The following TOX2 variants were observed in gnomAD, a reference collection of about 807,000 sequenced individuals.
TOX2 encodes TOX high mobility group box family member 2.
Under a neutral mutation model 47.4 loss-of-function variants are expected in TOX2, and 15 were observed. The observed-to-expected ratio is 0.32, with a 90% CI of 0.21 to 0.49. The LOEUF is 0.49. Ranked by LOEUF, TOX2 falls within the 20% of genes least tolerant of loss-of-function variation. The pLI, the probability that TOX2 is intolerant of heterozygous loss-of-function variation, is 0.99. For synonymous variants in TOX2, 290 were observed against 296.6 expected (o/e 0.98, Z 0.23); for missense variants, 622 against 673.1 (o/e 0.92, Z 0.84).
intron 3 of TOX2, among the ~76,000 whole-genome samples, chr20:44,034,588 G>A (rs928178330): frequency 2.8e-4 from 42 of 152,312 alleles, no homozygotes; most frequent in African/African-American, 9.4e-4. Context: ...AGAGGCTCGA[G>A]GCAGTGACTC....
intron 3 of TOX2, among the ~76,000 whole-genome samples, chr20:44,034,133 G>A (rs148455717): frequency 1.3e-3 from 193 of 152,272 alleles, no homozygotes; most frequent in African/African-American, 4.5e-3. Context: ...AGCTTGCAGA[G>A]CTCATCGCAC....
intron 3 of TOX2, among the ~76,000 whole-genome samples, chr20:44,018,351 A>G (rs1250258769): frequency 2.6e-5 from 4 of 152,184 alleles, no homozygotes; most frequent in Non-Finnish European, 5.9e-5. Flanking sequence ...TGCCAAGCCT[A>G]ACAGGGTATG....
At chr20:43,947,361 G>A (rs1445964904) in intron 1 of TOX2, among the ~76,000 whole-genome samples, 4 of 152,248 alleles carry the variant, frequency 2.6e-5, no homozygotes, top group Non-Finnish European at 5.9e-5. Context: ...ACACATGCAC[G>A]TGTGCACACA....
intron 1 of TOX2, among the ~76,000 whole-genome samples, chr20:43,954,957 C>T (rs137968253): frequency 2.0e-3 from 302 of 152,248 alleles, no homozygotes; most frequent in African/African-American, 7.0e-3. Flanking sequence ...GTGCTTGATT[C>T]GCTTGAAACT....
rs59829203 is a variant in TOX2, at chr20:43,951,707, G to GTTTTTTTTTT, written c.100-21648_100-21639dup. Among the ~76,000 whole-genome samples the GTTTTTTTTTT allele has an allele frequency of 3.5e-3, 192 of 55,076 alleles. 42 individuals carry two copies. Among genetic ancestry groups the GTTTTTTTTTT allele is most frequent in the South Asian group, 0.016 (16 of 984 alleles). 36.1% of individuals were successfully genotyped at this position (55,076 alleles called of 152,430 possible). On this transcript the variant is annotated intron_variant, in intron 1 of 8. Transcript: ENST00000341197. Reference sequence around the variant, plus strand: ...TGACCATTACTATTAAACTTATTATGTTTTTTTTTTTTTTTTTTTTTAGAG... The same window carrying GTTTTTTTTTT: ...TGACCATTACTATTAAACTTATTATGTTTTTTTTTTTTTTTTTTTTTTTTTTTTTTTAGAG...
At chr20:44,043,770 A>G (rs2071371444) in intron 3 of TOX2, among the ~76,000 whole-genome samples, 1 of 152,254 alleles carries the variant, frequency 6.6e-6, no homozygotes, top group Non-Finnish European at 1.5e-5. Flanking sequence ...ATAAGATGAA[A>G]GCATGCCAAA....
intron 3 of TOX2, among the ~76,000 whole-genome samples, chr20:44,042,228 G>A (rs113784188): frequency 3.5e-4 from 53 of 152,170 alleles, no homozygotes; most frequent in Non-Finnish European, 5.3e-4. Flanking sequence ...CTCATGAGAC[G>A]TATTCACTAT....
At chr20:44,006,016 G>A (rs899485928) in intron 2 of TOX2, among the ~76,000 whole-genome samples, 1 of 152,182 alleles carries the variant, frequency 6.6e-6, no homozygotes, top group Non-Finnish European at 1.5e-5. Context: ...CTCCTGCAAG[G>A]ATGTTTGTGC....
At chr20:44,026,495 T>C (rs924219738) in intron 3 of TOX2, among the ~76,000 whole-genome samples, 2 of 151,370 alleles carry the variant, frequency 1.3e-5, no homozygotes, top group Admixed American at 6.6e-5. Context: ...AAAAAGAAGA[T>C]AAACAGCATA....
intron 2 of TOX2, among the ~76,000 whole-genome samples, chr20:43,995,403 G>A (rs2070455617): frequency 6.6e-6 from 1 of 152,196 alleles, no homozygotes; most frequent in Non-Finnish European, 1.5e-5. Context: ...ACAGTGCTAG[G>A]AGCTCAGCTC....
chr20:43,930,616 G>A (rs2069239680), intron 1 of TOX2, among the ~76,000 whole-genome samples: 1 of 152,144 alleles, frequency 6.6e-6, no homozygotes, highest in Non-Finnish European at 1.5e-5. Context: ...TGCTTGGGCT[G>A]GGGTATCTGG....
At chr20:44,017,780 G>A (rs1324510191) in intron 3 of TOX2, among the ~76,000 whole-genome samples, 1 of 152,186 alleles carries the variant, frequency 6.6e-6, no homozygotes, top group African/African-American at 2.4e-5. Context: ...TGAGAAAACA[G>A]AGGCACAGAG....
intron 1 of TOX2, among the ~76,000 whole-genome samples, chr20:43,956,848 C>T (rs2069677414): frequency 6.6e-6 from 1 of 152,084 alleles, no homozygotes; most frequent in African/African-American, 2.4e-5. Context: ...TTTTTCCCTT[C>T]CATATTTGTT....
intron 3 of TOX2, among the ~76,000 whole-genome samples, chr20:44,037,355 C>T (rs899187708): frequency 1.4e-4 from 21 of 152,224 alleles, no homozygotes; most frequent in African/African-American, 4.8e-4. Flanking sequence ...CTTGAACACA[C>T]TAGGTGTCTG....
intron 5 of TOX2, among the ~76,000 whole-genome samples, chr20:44,057,223 A>G (rs528990043): frequency 6.6e-6 from 1 of 152,300 alleles, no homozygotes; most frequent in Admixed American, 6.5e-5. Context: ...ATCCAGCCAT[A>G]TCTCCTTATT....
chr20:43,949,500 A>G lies in TOX2; in HGVS notation c.100-23867A>G, dbSNP rs556154457. Among the ~76,000 whole-genome samples the G allele has an allele frequency of 2.6e-5, 4 of 151,988 alleles. No homozygotes were observed. In the South Asian group the frequency reaches 8.4e-4, roughly 32 times the overall value. ...CTGTTCTGATACCTTTAATATACCC[A>G]CCTGGGGGAGCTGGGCACCTGTCTG... On this transcript the variant is annotated intron_variant, in intron 1 of 8. Transcript: ENST00000341197.
chr20:44,053,794 C>T (rs78846521), intron 4 of TOX2, among the ~76,000 whole-genome samples: 1,724 of 150,078 alleles, frequency 0.011, 35 homozygotes, highest in African/African-American at 0.038. Flanking sequence ...TCATTATTCA[C>T]TATTGATTAG....
chr20:44,069,271 T>A lies in TOX2; in HGVS notation c.*585T>A, dbSNP rs1019459102. 1 of 197,040 alleles carries A rather than the reference T, an allele frequency of 5.1e-6. No homozygotes were observed. The highest frequency in any genetic ancestry group is 1.1e-5 in the Non-Finnish European group (1 of 93,842). The allele number at this position is 197,040 out of a possible 1,614,324, so 12.2% of individuals were successfully genotyped here. A position where few individuals can be genotyped will look rare whatever the true frequency, so the allele number is the denominator to read the frequency against. ...AGCATTTTATATGATCCTTAGCACA[T>A]TTTTAAGTTTTATCTTAAGGGAGAC... is the stretch of plus-strand genomic sequence containing the variant. On this transcript the variant is annotated 3_prime_UTR_variant, in exon 9 of 9. Transcript: ENST00000341197.
chr20:43,924,854 ACT>A (rs1261824568), intron 1 of TOX2, among the ~76,000 whole-genome samples: 1 of 151,624 alleles, frequency 6.6e-6, no homozygotes, highest in Non-Finnish European at 1.5e-5. Flanking sequence ...AGTCCCTCTC[ACT>A]CTCTGTCCCT....
Sources: allele counts gnomAD v4.1 joint callset (sites outside exome capture counted in the v4.1 genomes callset), GRCh38; gene constraint gnomAD v4.1.1; transcripts MANE v1.5; gene names NCBI Gene and HGNC (gene_info 2026-07-23, HGNC 2026-07-21).